The following ADGRL1 variants were observed in gnomAD, a reference collection of about 807,000 sequenced individuals.
ADGRL1 encodes adhesion G protein-coupled receptor L1.
Under a neutral mutation model 148.9 loss-of-function variants are expected in ADGRL1, and 31 were observed. The ratio of observed to expected loss-of-function variants is 0.21; its 90% confidence interval spans 0.16 to 0.28. ADGRL1 has a LOEUF of 0.28. Among genes scored for constraint, ADGRL1 ranks in the 10% least tolerant of loss-of-function variants. ADGRL1 has a pLI of 1.00. For missense variants in ADGRL1, 1,521 were observed against 2,058.8 expected (o/e 0.74, Z 5.05); for synonymous variants, 937 against 900.3 (o/e 1.04, Z -0.73).
intron 11 of ADGRL1, among the ~76,000 whole-genome samples, 171 bp downstream of exon 11, chr19:14,158,918 AC>A (rs34998649): frequency 6.6e-6 from 1 of 151,880 alleles, no homozygotes; most frequent in Non-Finnish European, 1.5e-5. Flanking sequence ...TGTAAGGCTC[AC>A]CCTTAGGGCT....
chr19:14,173,309 A>T (rs1350984757), intron 3 of ADGRL1, among the ~76,000 whole-genome samples: 1 of 152,072 alleles, frequency 6.6e-6, no homozygotes, highest in Non-Finnish European at 1.5e-5. Flanking sequence ...ATTGCCCAGG[A>T]CGGAGAGCAG....
intron 4 of ADGRL1, among the ~76,000 whole-genome samples, chr19:14,167,861 C>G (rs1283427041): frequency 6.6e-6 from 1 of 152,116 alleles, no homozygotes; most frequent in Non-Finnish European, 1.5e-5. Context: ...CTCGGCTTCT[C>G]TGCTCAACCC....
intron 1 of ADGRL1, among the ~76,000 whole-genome samples, chr19:14,193,018 G>T (rs1246882213): frequency 6.6e-6 from 1 of 152,116 alleles, no homozygotes; most frequent in South Asian, 2.1e-4. Flanking sequence ...CTGGAGATGG[G>T]GCGTCTGCCC....
intron 1 of ADGRL1, among the ~76,000 whole-genome samples, chr19:14,184,236 G>A (rs1013116838): frequency 6.6e-6 from 1 of 152,062 alleles, no homozygotes; most frequent in African/African-American, 2.4e-5. Context: ...AGGGACGCCC[G>A]AGTCCCCTCT....
intron 3 of ADGRL1, among the ~76,000 whole-genome samples, chr19:14,174,143 T>G (rs1970663447): frequency 6.6e-6 from 1 of 151,990 alleles, no homozygotes; most frequent in Admixed American, 6.6e-5. Context: ...CTGGGCCAGA[T>G]GCTGTACTAG....
rs1189271933 is a variant in ADGRL1, at chr19:14,159,041, G to T, written c.2149+49C>A. 2 of 1,605,578 alleles carry T rather than the reference G, an allele frequency of 1.2e-6. No homozygotes were observed. The highest frequency in any genetic ancestry group is 2.7e-5 in the African/African-American group (2 of 74,758). On this transcript the variant is annotated intron_variant, in intron 11 of 22. Transcript: ENST00000361434. The surrounding 1 kb of genome is among the most constrained non-coding windows in gnomAD (Gnocchi z 6.0). ...AGAGACGCTGGCACAGAGCTGGGGG[G>T]TGGGGGTGGGGCTGCTTCCCCACCC...
chr19:14,166,697 A>G (rs1196491318), intron 4 of ADGRL1, among the ~76,000 whole-genome samples: 2 of 150,592 alleles, frequency 1.3e-5, no homozygotes, highest in African/African-American at 4.9e-5. Flanking sequence ...AAGGAGGCAA[A>G]AGAAGTATGA....
chr19:14,160,341 G>A lies in ADGRL1; in HGVS notation c.1615-44C>T. ...GGAAGGGGGAATCCCAGGACTGTCA[G>A]GGACCATCCTGCCCTCCCCGGCTTC... On this transcript the variant is annotated intron_variant, in intron 7 of 22. Coordinates refer to ENST00000361434, the MANE Select transcript of ADGRL1 (RefSeq NM_014921.5). This position sits in a 1 kb window ranked among gnomAD's most constrained non-coding sequence, Gnocchi z 5.9. 6.5e-7 allele frequency: 1 copy of A among 1,541,046 alleles called. No individual in the cohort carries two copies.
chr19:14,156,566 T>TGG (rs869304876), intron 16 of ADGRL1, 92 bp downstream of exon 16: 28 of 507,926 alleles, frequency 5.5e-5, no homozygotes, highest in South Asian at 2.5e-4. Flanking sequence ...TGTGTGTGTG[T>TGG]GGGGGGGGTG....
chr19:14,202,932 C>T (rs1972710403), intron 1 of ADGRL1, among the ~76,000 whole-genome samples: 1 of 152,188 alleles, frequency 6.6e-6, no homozygotes, highest in South Asian at 2.1e-4. Context: ...CCAGGCCACA[C>T]AGGCAGAGGA....
At chr19:14,202,051 G>A (rs933219033) in intron 1 of ADGRL1, among the ~76,000 whole-genome samples, 1 of 151,998 alleles carries the variant, frequency 6.6e-6, no homozygotes, top group Non-Finnish European at 1.5e-5. Context: ...CAGTGCAAAC[G>A]CCCCGGGGTA....
intron 1 of ADGRL1, among the ~76,000 whole-genome samples, chr19:14,198,700 C>T (rs1972419372): frequency 6.6e-6 from 1 of 152,134 alleles, no homozygotes; most frequent in Non-Finnish European, 1.5e-5. Flanking sequence ...AACATTTCTC[C>T]TTCCTCCCCT....
Position 14,163,160 on chromosome 19 carries a change from T to C in ADGRL1, c.641A>G (p.Tyr214Cys), listed in dbSNP as rs1437339638. Residue 214 changes from tyrosine (Y) to cysteine (C), a missense_variant, in exon 5 of 23, where the codon TAC becomes TGC. Physicochemically the swap from Tyr to Cys is radical, Grantham distance 194. Coordinates refer to ENST00000361434, the MANE Select transcript of ADGRL1 (RefSeq NM_014921.5). ...NRVDGTGFVV[Y>C]DGAVFYNKER... ...CTTGTTGTAGAAGACGGCACCATCG[T>C]AGACCACAAAGCCTGTGCCATCCAC... 1 of 1,613,754 alleles carries C rather than the reference T, an allele frequency of 6.2e-7. No homozygotes were observed. The highest frequency in any genetic ancestry group is 1.3e-5 in the African/African-American group (1 of 74,914).
intron 3 of ADGRL1, among the ~76,000 whole-genome samples, chr19:14,173,739 A>G (rs1970631363): frequency 6.6e-6 from 1 of 152,070 alleles, no homozygotes; most frequent in Non-Finnish European, 1.5e-5. Flanking sequence ...TTGAGGTCAG[A>G]AGTTTGAGAC....
At chr19:14,176,828 C>A (rs1475582737) in intron 3 of ADGRL1, among the ~76,000 whole-genome samples, 2 of 151,270 alleles carry the variant, frequency 1.3e-5, no homozygotes, top group Non-Finnish European at 2.9e-5. Context: ...AACAGTGAGA[C>A]CCTATCTTCA....
intron 4 of ADGRL1, among the ~76,000 whole-genome samples, chr19:14,165,585 C>A (rs1969877113): frequency 6.6e-6 from 1 of 151,918 alleles, no homozygotes; most frequent in African/African-American, 2.4e-5. Flanking sequence ...CCCGTCACCC[C>A]ACCCGCCCTG....
At chr19:14,202,397 T>C (rs1972672314) in intron 1 of ADGRL1, among the ~76,000 whole-genome samples, 1 of 151,900 alleles carries the variant, frequency 6.6e-6, no homozygotes, top group Admixed American at 6.6e-5. Context: ...GGACTACAGG[T>C]GCACACCACC....
rs776033872 is a variant in ADGRL1, at chr19:14,152,248, A to G, written c.3649+61T>C. 9.9e-6 allele frequency: 16 copies of G among 1,613,330 alleles called. No individual in the cohort carries two copies. In the African/African-American group the frequency reaches 2.0e-4, roughly 20 times the overall value. ...CTGGGGCACAGAACATCCCATGCAG[A>G]GGTCCCTTGGGACACAAACCCTCCA... is the stretch of plus-strand genomic sequence containing the variant. On this transcript the variant is annotated intron_variant, in intron 21 of 22. Transcript: ENST00000361434. This position sits in a 1 kb window ranked among gnomAD's most constrained non-coding sequence, Gnocchi z 6.1.
rs1485528649 is a variant in ADGRL1, at chr19:14,157,529, C to G, written c.2536-69G>C. 31 of 1,503,596 alleles carry G rather than the reference C, an allele frequency of 2.1e-5. No individual in the cohort carries two copies. Among genetic ancestry groups the G allele is most frequent in the African/African-American group, 2.8e-5 (2 of 72,666 alleles). 93.1% of individuals were successfully genotyped at this position (1,503,596 alleles called of 1,614,324 possible). On this transcript the variant is annotated intron_variant, in intron 13 of 22. Transcript: ENST00000361434. This position sits in a 1 kb window ranked among gnomAD's most constrained non-coding sequence, Gnocchi z 7.5. ...CACGCTGGGCTCAGCCAGGTGCCAG[C>G]CACAGACAGGGCCCTGGGCAAGGCC...
Sources: gnomAD v4.1 joint callset for allele counts (sites outside exome capture counted in the v4.1 genomes callset) on GRCh38, gnomAD v4.1.1 for gene constraint, Gnocchi (gnomAD v3.1) non-coding constraint, MANE v1.5 for transcripts, NCBI Gene and HGNC (gene_info 2026-07-23, HGNC 2026-07-21) for gene names.